The following TTC8 variants were observed in gnomAD, a reference collection of about 807,000 sequenced individuals.
TTC8 encodes tetratricopeptide repeat domain 8.
Under a neutral mutation model 72.5 loss-of-function variants are expected in TTC8, and 47 were observed. The observed-to-expected ratio is 0.65, with a 90% CI of 0.51 to 0.83. The LOEUF is 0.83. Among genes scored for constraint, TTC8 ranks in the 40% least tolerant of loss-of-function variants. The probability of loss-of-function intolerance (pLI) is 0.00; values close to 1 mark genes in which losing one functional copy is unlikely to be tolerated. For missense variants in TTC8, 611 were observed against 623.2 expected, an observed-to-expected ratio of 0.98 and a Z score of 0.21; for synonymous variants, 199 against 221.4, an observed-to-expected ratio of 0.90 and a Z score of 0.90.
At chr14:88,828,842 A>T (rs945963583) in intron 1 of TTC8, among the ~76,000 whole-genome samples, 6 of 152,286 alleles carry the variant, frequency 3.9e-5, no homozygotes, top group South Asian at 4.1e-4. Flanking sequence ...CCTTTAAGGG[A>T]TACTATTTTG....
downstream of TTC8, chr14:88,879,146 A>T (rs1172107704): frequency 6.6e-6 from 1 of 152,198 alleles, no homozygotes. Flanking sequence ...TCTTGAATTT[A>T]TGTGAATTCA....
chr14:88,859,896 A>ATCAT (rs1595970487), intron 9 of TTC8, among the ~76,000 whole-genome samples: 1 of 117,768 alleles, frequency 8.5e-6, no homozygotes, highest in South Asian at 3.6e-4. Flanking sequence ...TATAATATAT[A>ATCAT]ATATAATATA....
intron 8 of TTC8, among the ~76,000 whole-genome samples, chr14:88,856,871 A>G (rs575813390): frequency 8.5e-5 from 13 of 152,292 alleles, no homozygotes; most frequent in African/African-American, 2.9e-4. Context: ...GTCACTTGCC[A>G]TATGTCCAGC....
At chr14:88,832,971 A>C (rs1157549034) in intron 1 of TTC8, among the ~76,000 whole-genome samples, 2 of 152,230 alleles carry the variant, frequency 1.3e-5, no homozygotes, top group Admixed American at 6.5e-5. Context: ...CATGTTAAAT[A>C]AATTACCTGT....
chr14:88,865,576 G>A (rs986491219), intron 10 of TTC8, among the ~76,000 whole-genome samples: 2 of 152,132 alleles, frequency 1.3e-5, no homozygotes, highest in East Asian at 1.9e-4. Context: ...GCTGAGGCAG[G>A]AGAATTGCTT....
Position 88,824,661 on chromosome 14 carries a change from C to G in TTC8, c.-47C>G. On this transcript the variant is annotated 5_prime_UTR_variant, in exon 1 of 15. Coordinates refer to ENST00000380656, the MANE Select transcript of TTC8 (RefSeq NM_144596.4). The stretch of plus-strand genomic sequence containing the variant: ...CGCCGCCAGCTCTTCACTCCACGCC[C>G]ACCTCTCTCCTGGAGCGCTGGGCCT... 2 of 1,499,758 alleles carry G rather than the reference C, an allele frequency of 1.3e-6. No individual in the cohort carries two copies. Among genetic ancestry groups the G allele is most frequent in the Non-Finnish European group, 1.8e-6 (2 of 1,099,066 alleles). The allele number at this position is 1,499,758 out of a possible 1,614,324, so 92.9% of individuals were successfully genotyped here.
intron 3 of TTC8, 99 bp downstream of exon 3, chr14:88,839,671 T>C (rs77003185): frequency 1.5e-6 from 2 of 1,349,162 alleles, no homozygotes; most frequent in East Asian, 5.0e-5. Context: ...CTACACTTTA[T>C]ATATATAAAC....
intron 13 of TTC8, among the ~76,000 whole-genome samples, chr14:88,873,773 T>C (rs1336352887): frequency 6.6e-6 from 1 of 152,230 alleles, no homozygotes; most frequent in Non-Finnish European, 1.5e-5. Context: ...GTTCATACAA[T>C]GTTAGCAGCC....
chr14:88,874,976 A>T (rs1356880426), intron 13 of TTC8, 50 bp from the exon 14 acceptor site: 2 of 1,400,228 alleles, frequency 1.4e-6, no homozygotes, highest in East Asian at 4.6e-5. Flanking sequence ...TATGGTGCTG[A>T]TATATGTTCA....
chr14:88,847,646 A>G (rs545726405), intron 7 of TTC8, among the ~76,000 whole-genome samples: 2 of 152,284 alleles, frequency 1.3e-5, no homozygotes, highest in South Asian at 4.1e-4. Context: ...ACTAGCAAAC[A>G]TTAGGGTATT....
chr14:88,854,967 A>AT (rs1305595470), intron 8 of TTC8, among the ~76,000 whole-genome samples: 3 of 152,236 alleles, frequency 2.0e-5, no homozygotes, highest in Non-Finnish European at 4.4e-5. Flanking sequence ...GATTATAGGC[A>AT]TTAGCCATTG....
chr14:88,841,204 C>T lies in TTC8; in HGVS notation c.489+8C>T. ...TTTGTCAGGCTGGGAACGGTAAATT[C>T]TATCAGCTTTCCCATAGCCTTGTAT... On this transcript the variant is annotated splice_region_variant and intron_variant, in intron 5 of 14. Transcript: ENST00000380656. 2 of 1,613,994 alleles carry T rather than the reference C, an allele frequency of 1.2e-6. No homozygotes were observed. The highest frequency in any genetic ancestry group is 1.7e-6 in the Non-Finnish European group (2 of 1,179,984).
At position 88,871,556 on chromosome 14, in the gene TTC8, C is replaced by A; in HGVS notation, c.1057C>A (p.Leu353Met). The change falls in exon 12 of 15, where the codon CTG (leucine) becomes ATG (methionine). Residue 353 changes from leucine (L) to methionine (M), a missense_variant. Coordinates refer to ENST00000380656, the MANE Select transcript of TTC8 (RefSeq NM_144596.4). The surrounding 1 kb of genome is among the most constrained non-coding windows in gnomAD (Gnocchi z 4.1). ...EIALRFYRRLLQMGIYNGQLF... is the reference protein window; with the variant it reads ...EIALRFYRRLMQMGIYNGQLF... The stretch of plus-strand genomic sequence containing the variant: ...GTGTTCTTTTTTGAAAAGGCGGCTG[C>A]TGCAGATGGGCATTTATAACGGCCA... 9 of 1,613,904 alleles carry A rather than the reference C, an allele frequency of 5.6e-6. No homozygotes were observed. The highest frequency in any genetic ancestry group is 6.8e-6 in the Non-Finnish European group (8 of 1,179,982).
chr14:88,836,402 A>G (rs2094751195), intron 2 of TTC8, among the ~76,000 whole-genome samples: 1 of 150,682 alleles, frequency 6.6e-6, no homozygotes, highest in African/African-American at 2.4e-5. Context: ...CTGAGACCTG[A>G]GGTGGGAGGT....
chr14:88,860,847 C>T (rs1353982678), intron 9 of TTC8, among the ~76,000 whole-genome samples: 9 of 150,906 alleles, frequency 6.0e-5, no homozygotes, highest in African/African-American at 1.7e-4. Flanking sequence ...CACTCTGTTG[C>T]CCAGGCTGGA....
At chr14:88,839,650 C>A in intron 3 of TTC8, 78 bp downstream of exon 3, 1 of 1,483,348 alleles carries the variant, frequency 6.7e-7, no homozygotes, top group Non-Finnish European at 9.4e-7. Context: ...AATATATATG[C>A]CTATATATTT....
At chr14:88,835,056 C>A (rs12436254) in intron 2 of TTC8, among the ~76,000 whole-genome samples, 4,137 of 152,238 alleles carry the variant, frequency 0.027, 137 homozygotes, top group East Asian at 0.16. Flanking sequence ...AGGAATGAGG[C>A]TATATACAAT....
chr14:88,840,884 A>G lies in TTC8; in HGVS notation c.285A>G (p.Lys95=). The change falls in exon 4 of 15, where the codon AAA becomes AAG. Residue 95 remains lysine (K), a synonymous_variant. Coordinates refer to ENST00000380656, the MANE Select transcript of TTC8 (RefSeq NM_144596.4). Reference sequence around the variant, plus strand: ...TCCTAGGCCCTGGAACGTCTTTGAAACTCCCTGGAACTAATCAGACAGGAG... The same window carrying G: ...TCCTAGGCCCTGGAACGTCTTTGAAGCTCCCTGGAACTAATCAGACAGGAG... The part of the protein sequence containing the change: ...AQVPRPGTSL[K]LPGTNQTGGP... 6.2e-7 allele frequency: 1 copy of G among 1,613,834 alleles called. No individual in the cohort carries two copies. The highest frequency in any genetic ancestry group is 8.5e-7 in the Non-Finnish European group (1 of 1,179,924).
In TTC8 at chr14:88,833,956, G is replaced by A. The variant is rs1050105741; in HGVS notation, c.144+234G>A. On this transcript the variant is annotated intron_variant, in intron 2 of 14. Transcript: ENST00000380656. ...AATGCAGTCTACTCATTGGGACTTG[G>A]AGCTTAAATGGAAATGACCAAGATG... The A allele has an allele frequency of 1.8e-5, 10 of 544,402 alleles. No individual in the cohort carries two copies. In the African/African-American group the frequency reaches 1.9e-4, roughly 10 times the overall value. 33.7% of individuals were successfully genotyped at this position (544,402 alleles called of 1,614,324 possible). A position where few individuals can be genotyped will look rare whatever the true frequency, so the allele number is the denominator to read the frequency against.
Sources: gnomAD v4.1 joint callset for allele counts (sites outside exome capture counted in the v4.1 genomes callset) on GRCh38, gnomAD v4.1.1 for gene constraint, Gnocchi (gnomAD v3.1) non-coding constraint, MANE v1.5 for transcripts, NCBI Gene and HGNC (gene_info 2026-07-23, HGNC 2026-07-21) for gene names.